The following OPRM1 variants were observed in gnomAD, a reference collection of about 807,000 sequenced individuals.
OPRM1 encodes the protein mu-type opioid receptor.
A neutral mutation model predicts 31.8 loss-of-function variants in OPRM1; 27 were observed. The observed-to-expected ratio is 0.85, with a 90% CI of 0.63 to 1.17. The LOEUF (loss-of-function observed/expected upper bound fraction) is 1.17. OPRM1 is among the 50% of genes most tolerant of loss of function. The pLI, the probability that OPRM1 is intolerant of heterozygous loss-of-function variation, is 0.00. For synonymous variants in OPRM1, 196 were observed against 189.9 expected (o/e 1.03, Z -0.26); for missense variants, 536 against 511.1 (o/e 1.05, Z -0.47).
intron 3 of OPRM1, among the ~76,000 whole-genome samples, chr6:154,239,750 C>CTGGA (rs1780428896): frequency 6.6e-6 from 1 of 152,220 alleles, no homozygotes; most frequent in Non-Finnish European, 1.5e-5. Context: ...GTCACCCAGG[C>CTGGA]TGGAGTGCAG....
At chr6:154,186,464 G>A (rs1211953152) in intron 3 of OPRM1, among the ~76,000 whole-genome samples, 1 of 152,132 alleles carries the variant, frequency 6.6e-6, no homozygotes, top group African/African-American at 2.4e-5. Context: ...ACCTCCACCT[G>A]AACACAGGCA....
chr6:154,164,949 A>AAG (rs1365446004), intron 3 of OPRM1, among the ~76,000 whole-genome samples: 1 of 152,304 alleles, frequency 6.6e-6, no homozygotes, highest in South Asian at 2.1e-4. Context: ...AATTTCCCTG[A>AAG]AGTGCATTCA....
At chr6:154,151,660 G>A (rs1798501542) in intron 3 of OPRM1, among the ~76,000 whole-genome samples, 1 of 152,092 alleles carries the variant, frequency 6.6e-6, no homozygotes, top group Non-Finnish European at 1.5e-5. Context: ...CTGGCATGAG[G>A]ACAATAATGT....
At chr6:154,185,892 T>C (rs1030906359) in intron 3 of OPRM1, among the ~76,000 whole-genome samples, 1 of 152,262 alleles carries the variant, frequency 6.6e-6, no homozygotes, top group African/African-American at 2.4e-5. Context: ...TAATCTTGGC[T>C]TTTTGCTAAA....
At chr6:154,086,370 A>C (rs1790565668) in intron 1 of OPRM1, 1 of 161,194 alleles carries the variant, frequency 6.2e-6, no homozygotes. Context: ...AAAATTAAAC[A>C]GCATCATTCC....
At chr6:154,141,257 G>A (rs10223804) in intron 3 of OPRM1, among the ~76,000 whole-genome samples, 15,510 of 152,216 alleles carry the variant, frequency 0.1, 1,094 homozygotes, top group Non-Finnish European at 0.15. Context: ...TAAATCACCC[G>A]CTTATCCCAG....
rs1797695301 is a variant in OPRM1 at position 154,128,109 on chromosome 6, T to TAGTAATCTGG, written c.*9389_*9398dup. On this transcript the variant is annotated 3_prime_UTR_variant, in exon 4 of 4. Coordinates refer to ENST00000330432, the MANE Select transcript of OPRM1 (RefSeq NM_000914.5). ...GGATTTATAAATTCAGTATTACAAATAGTAATCTGGCAAGTGTTCTCAGGA... is the reference window on the plus strand; with the variant it reads ...GGATTTATAAATTCAGTATTACAAATAGTAATCTGGAGTAATCTGGCAAGTGTTCTCAGGA... 6.6e-6 allele frequency among the ~76,000 whole-genome samples: 1 copy of TAGTAATCTGG among 152,222 alleles called. No homozygotes were observed. Among genetic ancestry groups the TAGTAATCTGG allele is most frequent in the South Asian group, 2.1e-4 (1 of 4,822 alleles).
At chr6:154,181,700 G>A (rs1327808358) in intron 3 of OPRM1, among the ~76,000 whole-genome samples, 1 of 152,158 alleles carries the variant, frequency 6.6e-6, no homozygotes, top group Non-Finnish European at 1.5e-5. Flanking sequence ...CCCAGGTTTT[G>A]TACCTCAAAT....
At chr6:154,033,570 A>T (rs1779125228) in intron 1 of OPRM1, among the ~76,000 whole-genome samples, 2 of 152,238 alleles carry the variant, frequency 1.3e-5, no homozygotes. Flanking sequence ...AAGGAAGCAC[A>T]GAGAGTTGTA....
intron 3 of OPRM1, among the ~76,000 whole-genome samples, chr6:154,171,720 A>C (rs7745499): frequency 0.63 from 95,704 of 152,050 alleles, 31,000 homozygotes; most frequent in African/African-American, 0.77. Flanking sequence ...GGCCACAGTC[A>C]TGGGGTCAAG....
At chr6:154,081,280 G>A (rs1480674334) in intron 1 of OPRM1, among the ~76,000 whole-genome samples, 1 of 152,190 alleles carries the variant, frequency 6.6e-6, no homozygotes, top group Non-Finnish European at 1.5e-5. Context: ...GAGGCAGGCA[G>A]ATCACGAGGT....
At chr6:154,086,765 G>T (rs1446683504) in intron 1 of OPRM1, 1 of 985,246 alleles carries the variant, frequency 1.0e-6, no homozygotes, top group Admixed American at 6.2e-5. Flanking sequence ...GAAATGTAAG[G>T]TCTGCTGGGT....
At chr6:154,139,066 T>C (rs972439090) in intron 3 of OPRM1, among the ~76,000 whole-genome samples, 1 of 152,238 alleles carries the variant, frequency 6.6e-6, no homozygotes, top group African/African-American at 2.4e-5. Context: ...CCAAACTGTC[T>C]TTAAAAACTT....
chr6:154,126,897 G>A lies in OPRM1; in HGVS notation c.*8176G>A, dbSNP rs948542977. 1.3e-5 allele frequency among the ~76,000 whole-genome samples: 2 copies of A among 152,124 alleles called. No homozygotes were observed. The highest frequency in any genetic ancestry group is 2.9e-5 in the Non-Finnish European group (2 of 68,038). Reference sequence around the variant, plus strand: ...GAGGCCGAGGCGGGCGGAACACAAGGTCAGGAGATCAAGACCATCCTGGCC... The same window carrying A: ...GAGGCCGAGGCGGGCGGAACACAAGATCAGGAGATCAAGACCATCCTGGCC... On this transcript the variant is annotated 3_prime_UTR_variant, in exon 4 of 4. Coordinates refer to ENST00000330432, the MANE Select transcript of OPRM1 (RefSeq NM_000914.5).
chr6:154,024,253 A>G (rs895287744), intron 1 of OPRM1, among the ~76,000 whole-genome samples: 3 of 151,816 alleles, frequency 2.0e-5, no homozygotes, highest in Non-Finnish European at 4.4e-5. Flanking sequence ...GGATTTCTTC[A>G]TGGTTCAATC....
chr6:154,110,747 C>A (rs913013448), intron 3 of OPRM1, among the ~76,000 whole-genome samples: 1 of 151,952 alleles, frequency 6.6e-6, no homozygotes, highest in African/African-American at 2.4e-5. Context: ...ACTTAGCAGG[C>A]GTGGTGGCGG....
chr6:154,068,161 G>T (rs536924028), intron 1 of OPRM1, among the ~76,000 whole-genome samples: 1 of 152,042 alleles, frequency 6.6e-6, no homozygotes, highest in African/African-American at 2.4e-5. Context: ...TGTACCACAT[G>T]ATATTTTGAA....
exon 1 of OPRM1, chr6:154,010,908 A>T: frequency 7.6e-7 from 1 of 1,316,134 alleles, no homozygotes; most frequent in Non-Finnish European, 9.9e-7. Flanking sequence ...ACCAGCCCTT[A>T]CATCCCATCA....
At chr6:154,066,644 AT>A (rs2128445387) in intron 1 of OPRM1, among the ~76,000 whole-genome samples, 1 of 152,156 alleles carries the variant, frequency 6.6e-6, no homozygotes, top group East Asian at 1.9e-4. Context: ...AGGTTAGTGC[AT>A]TAATGGAATT....
Sources: gnomAD v4.1 joint callset for allele counts (sites outside exome capture counted in the v4.1 genomes callset) on GRCh38, gnomAD v4.1.1 for gene constraint, MANE v1.5 for transcripts, NCBI Gene and HGNC (gene_info 2026-07-23, HGNC 2026-07-21) for gene names.